Variants in SLC9A1 observed in about 807,000 individuals in gnomAD.
SLC9A1 encodes solute carrier family 9 member A1, also known as sodium/hydrogen exchanger 1.
Under a neutral mutation model 67.9 loss-of-function variants are expected in SLC9A1, and 22 were observed. That is an observed-to-expected ratio of 0.32 (90% CI 0.23 to 0.46). SLC9A1 has a LOEUF of 0.46. SLC9A1 is among the 20% of genes least tolerant of loss of function. SLC9A1 has a pLI of 1.00. For missense variants in SLC9A1, 686 were observed against 1,094.8 expected (o/e 0.63, Z 5.27); for synonymous variants, 421 against 471.8 (o/e 0.89, Z 1.40).
intron 1 of SLC9A1, among the ~76,000 whole-genome samples, chr1:27,133,401 G>A (rs1355050581): frequency 2.0e-5 from 3 of 152,158 alleles, no homozygotes; most frequent in Non-Finnish European, 2.9e-5. Context: ...AACCTAGGTT[G>A]TAATCTCATA....
chr1:27,125,561 G>GC (rs200301293), intron 1 of SLC9A1, among the ~76,000 whole-genome samples: 17,989 of 148,932 alleles, frequency 0.12, 1,301 homozygotes, highest in South Asian at 0.18. Flanking sequence ...ATCCACTCTT[G>GC]CCCCCCAGGC....
At position 27,114,099 on chromosome 1, in the gene SLC9A1, C is replaced by T; in HGVS notation, c.540G>A (p.Arg180=). The part of the protein sequence containing the change: ...ILDAGYFLPL[R]QFTENLGTIL... ...TGGTGCCCAGGTTTTCTGTGAACTG[C>T]CGCAGTGGCAGGAAGTAGCCCGCAT... Residue 180 remains arginine (R), a synonymous_variant, in exon 2 of 12, where the codon CGG becomes CGA. Coordinates refer to ENST00000263980, the MANE Select transcript of SLC9A1 (RefSeq NM_003047.5). The surrounding 1 kb of genome is among the most constrained non-coding windows in gnomAD (Gnocchi z 5.4). The T allele has an allele frequency of 6.2e-7, 1 of 1,614,170 alleles. No homozygotes were observed. The highest frequency in any genetic ancestry group is 8.5e-7 in the Non-Finnish European group (1 of 1,180,034).
chr1:27,131,335 G>A (rs2083382803), intron 1 of SLC9A1, among the ~76,000 whole-genome samples: 2 of 149,486 alleles, frequency 1.3e-5, no homozygotes, highest in Admixed American at 1.4e-4. Context: ...GCTCACGCCT[G>A]TACTCTCAGC....
In SLC9A1 at chr1:27,109,457, C is replaced by A; in HGVS notation, c.1064+70G>T. On this transcript the variant is annotated intron_variant, in intron 3 of 11. Coordinates refer to ENST00000263980, the MANE Select transcript of SLC9A1 (RefSeq NM_003047.5). This position sits in a 1 kb window ranked among gnomAD's most constrained non-coding sequence, Gnocchi z 5.5. ...CTGGGAGCTCCGTGAACCTACGAGC[C>A]TGGGGAATCCAAGCTGGCAGCCCCC... 6.5e-7 allele frequency: 1 copy of A among 1,546,818 alleles called. No individual in the cohort carries two copies. Among genetic ancestry groups the A allele is most frequent in the Non-Finnish European group, 8.8e-7 (1 of 1,134,338 alleles).
In SLC9A1 at chr1:27,106,140, C is replaced by G; in HGVS notation, c.1283-53G>C. On this transcript the variant is annotated intron_variant, in intron 4 of 11. Coordinates refer to ENST00000263980, the MANE Select transcript of SLC9A1 (RefSeq NM_003047.5). The surrounding 1 kb of genome is among the most constrained non-coding windows in gnomAD (Gnocchi z 4.3). ...GGTCAGGTCGGGCTGTCCCCAGTCC[C>G]TCCTGGATTCTGCATCAGTGATTTC... 1 of 1,151,668 alleles carries G rather than the reference C, an allele frequency of 8.7e-7. No individual in the cohort carries two copies. Among genetic ancestry groups the G allele is most frequent in the Non-Finnish European group, 1.3e-6 (1 of 780,280 alleles). The allele number at this position is 1,151,668 out of a possible 1,614,324, so 71.3% of individuals were successfully genotyped here. A position where few individuals can be genotyped will look rare whatever the true frequency, so the allele number is the denominator to read the frequency against.
At chr1:27,105,455 A>G (rs896926666) in intron 5 of SLC9A1, 1 of 467,078 alleles carries the variant, frequency 2.1e-6, no homozygotes, top group Non-Finnish European at 3.9e-6. Flanking sequence ...ATGCATCACC[A>G]TGCCCACTAA....
At position 27,101,632 on chromosome 1, in the gene SLC9A1, C is replaced by G. The variant is rs901720429; in HGVS notation, c.2037+93G>C. The G allele has an allele frequency of 1.1e-6, 1 of 927,162 alleles. No individual in the cohort carries two copies. Among genetic ancestry groups the G allele is most frequent in the African/African-American group, 1.6e-5 (1 of 61,442 alleles). 57.4% of individuals were successfully genotyped at this position (927,162 alleles called of 1,614,324 possible). A position where few individuals can be genotyped will look rare whatever the true frequency, so the allele number is the denominator to read the frequency against. ...CTAAAAGCCCCTCGAAAGCCAAACC[C>G]TGTTCCTAGAATGGGTACATTTCCT... On this transcript the variant is annotated intron_variant, in intron 10 of 11. Transcript: ENST00000263980. This position sits in a 1 kb window ranked among gnomAD's most constrained non-coding sequence, Gnocchi z 4.9.
chr1:27,126,443 G>T (rs1313459822), intron 1 of SLC9A1, among the ~76,000 whole-genome samples: 2 of 152,128 alleles, frequency 1.3e-5, no homozygotes, highest in African/African-American at 2.4e-5. Flanking sequence ...TGTCGGGGGG[G>T]TCACCATCAG....
In SLC9A1 at chr1:27,110,554, G is replaced by A. The variant is rs189562910; in HGVS notation, c.814-777C>T. 2.6e-5 allele frequency among the ~76,000 whole-genome samples: 4 copies of A among 152,334 alleles called. 1 individual carries two copies. Among genetic ancestry groups the A allele is most frequent in the Admixed American group, 2.6e-4 (4 of 15,298 alleles). ...CAACACTACCATCAGATGTTTAAGT[G>A]GCACTTCATACACTGTAAAGCCCTT... On this transcript the variant is annotated intron_variant, in intron 2 of 11. Coordinates refer to ENST00000263980, the MANE Select transcript of SLC9A1 (RefSeq NM_003047.5).
intron 1 of SLC9A1, among the ~76,000 whole-genome samples, chr1:27,138,622 C>T (rs951577312): frequency 1.8e-4 from 28 of 152,050 alleles, no homozygotes; most frequent in Non-Finnish European, 3.8e-4. Flanking sequence ...AAGGAGAGCA[C>T]CGGCGCGAGG....
chr1:27,131,735 G>A (rs867604508), intron 1 of SLC9A1, among the ~76,000 whole-genome samples: 12 of 130,730 alleles, frequency 9.2e-5, no homozygotes, highest in Middle Eastern at 3.9e-3. Flanking sequence ...AACAGAATGA[G>A]ACTCTGTCTC....
intron 5 of SLC9A1, 65 bp from the exon 6 acceptor site, chr1:27,103,377 C>T: frequency 1.8e-6 from 2 of 1,097,956 alleles, no homozygotes; most frequent in East Asian, 2.4e-5. Flanking sequence ...CACAGAGCCT[C>T]CCTCCCTCAC....
intron 1 of SLC9A1, among the ~76,000 whole-genome samples, chr1:27,140,630 C>A (rs1440995775): frequency 6.6e-6 from 1 of 152,092 alleles, no homozygotes; most frequent in Non-Finnish European, 1.5e-5. Context: ...ACACCTTTTC[C>A]CCTTAATACT....
intron 1 of SLC9A1, among the ~76,000 whole-genome samples, chr1:27,126,891 G>A (rs546621267): frequency 6.6e-6 from 1 of 152,348 alleles, no homozygotes; most frequent in African/African-American, 2.4e-5. Context: ...CCTTTTCCTT[G>A]AAGGAAGGGT....
Position 27,106,386 on chromosome 1 carries a change from G to A in SLC9A1, c.1283-299C>T, listed in dbSNP as rs1263714263. Among the ~76,000 whole-genome samples, 1 of 152,104 alleles carries A rather than the reference G, an allele frequency of 6.6e-6. No homozygotes were observed. The highest frequency in any genetic ancestry group is 1.5e-5 in the Non-Finnish European group (1 of 67,994). On this transcript the variant is annotated intron_variant, in intron 4 of 11. Coordinates refer to ENST00000263980, the MANE Select transcript of SLC9A1 (RefSeq NM_003047.5). This position sits in a 1 kb window ranked among gnomAD's most constrained non-coding sequence, Gnocchi z 4.3. ...AAAGATCAAACAAGATGGGTCACAG[G>A]TCAATACTTGTTAAATGTGATGGGT...
At chr1:27,134,899 G>C (rs532544178) in intron 1 of SLC9A1, among the ~76,000 whole-genome samples, 1 of 145,706 alleles carries the variant, frequency 6.9e-6, no homozygotes, top group East Asian at 2.1e-4. Context: ...ACCATGCCCA[G>C]TTAATTTTTG....
chr1:27,115,814 C>T (rs1194712983), intron 1 of SLC9A1, among the ~76,000 whole-genome samples: 1 of 152,122 alleles, frequency 6.6e-6, no homozygotes, highest in Non-Finnish European at 1.5e-5. Flanking sequence ...AGGCAGATCC[C>T]ATAACTGCTT....
At chr1:27,115,049 C>T (rs1357135045) in intron 1 of SLC9A1, among the ~76,000 whole-genome samples, 1 of 152,152 alleles carries the variant, frequency 6.6e-6, no homozygotes, top group Non-Finnish European at 1.5e-5. Flanking sequence ...AAAGATGGGG[C>T]AACTAAGGCT....
At chr1:27,145,214 CT>C (rs1422250830) in intron 1 of SLC9A1, among the ~76,000 whole-genome samples, 1 of 152,208 alleles carries the variant, frequency 6.6e-6, no homozygotes, top group East Asian at 1.9e-4. Flanking sequence ...GTTCCACCTC[CT>C]TTGAGAGGCT....
Sources: allele counts gnomAD v4.1 joint callset (sites outside exome capture counted in the v4.1 genomes callset), GRCh38; gene constraint gnomAD v4.1.1; non-coding constraint Gnocchi (gnomAD v3.1); transcripts MANE v1.5; gene names NCBI Gene and HGNC (gene_info 2026-07-23, HGNC 2026-07-21).